SOBP: variants seen among roughly 807,000 people sequenced by gnomAD.
SOBP encodes the protein sine oculis-binding protein homolog.
In SOBP, 4 loss-of-function variants were observed where a neutral mutation model predicts 53.6. The observed-to-expected ratio is 0.07, with a 90% CI of 0.04 to 0.17. The LOEUF (loss-of-function observed/expected upper bound fraction) is 0.17, where lower values mean the gene tolerates loss of function less well. Among genes scored for constraint, SOBP ranks in the 10% least tolerant of loss-of-function variants. SOBP has a pLI of 1.00. For missense variants in SOBP, 1,088 were observed against 1,204.7 expected (o/e 0.90, Z 1.43); for synonymous variants, 584 against 522.6 (o/e 1.12, Z -1.60).
At chr6:107,593,483 G>C (rs1785833372) in intron 5 of SOBP, among the ~76,000 whole-genome samples, 1 of 152,184 alleles carries the variant, frequency 6.6e-6, no homozygotes, top group South Asian at 2.1e-4. Context: ...ATGGAAGACT[G>C]TGTGTTCTCC....
chr6:107,497,975 G>A (rs1490642386), intron 1 of SOBP, among the ~76,000 whole-genome samples: 1 of 152,082 alleles, frequency 6.6e-6, no homozygotes, highest in South Asian at 2.1e-4. Flanking sequence ...TAGCATGAGG[G>A]TGCTTACTAA....
At chr6:107,593,818 T>C (rs900607869) in intron 5 of SOBP, among the ~76,000 whole-genome samples, 3 of 152,216 alleles carry the variant, frequency 2.0e-5, no homozygotes, top group Non-Finnish European at 4.4e-5. Flanking sequence ...GTCTTTATTC[T>C]TCAACTTGAG....
chr6:107,501,733 G>A (rs568811906), intron 1 of SOBP, among the ~76,000 whole-genome samples: 79 of 152,200 alleles, frequency 5.2e-4, no homozygotes, highest in African/African-American at 1.7e-3. Context: ...TAGGTGTTGG[G>A]GAGACTGATG....
intron 3 of SOBP, among the ~76,000 whole-genome samples, chr6:107,516,280 G>A (rs897401700): frequency 4.6e-5 from 7 of 151,990 alleles, no homozygotes; most frequent in African/African-American, 1.7e-4. Flanking sequence ...CAGCCTTCAC[G>A]GCAAAACCTA....
At chr6:107,546,584 C>T (rs1463991865) in intron 4 of SOBP, among the ~76,000 whole-genome samples, 1 of 152,154 alleles carries the variant, frequency 6.6e-6, no homozygotes, top group Non-Finnish European at 1.5e-5. Context: ...CATGTGCACA[C>T]AGAAAGCCTC....
chr6:107,547,514 A>G (rs1464307482), intron 4 of SOBP, among the ~76,000 whole-genome samples: 2 of 152,238 alleles, frequency 1.3e-5, no homozygotes, highest in Non-Finnish European at 2.9e-5. Context: ...GTTGACACAG[A>G]GGATTAAATG....
chr6:107,496,347 T>C (rs1048358047), intron 1 of SOBP, among the ~76,000 whole-genome samples: 4 of 152,224 alleles, frequency 2.6e-5, no homozygotes, highest in Non-Finnish European at 5.9e-5. Flanking sequence ...TTTTAGGACA[T>C]TTGATGTCCT....
In SOBP at chr6:107,545,982, G is replaced by A. The variant is rs532166552; in HGVS notation, c.573+12372G>A. Reference sequence around the variant, plus strand: ...CTGAGCCAAAAACAAAAAGGAAAAAGGGGACAGTAAAGCTGGCGTGATTAA... The same window carrying A: ...CTGAGCCAAAAACAAAAAGGAAAAAAGGGACAGTAAAGCTGGCGTGATTAA... On this transcript the variant is annotated intron_variant, in intron 4 of 6. Transcript: ENST00000317357. Among the ~76,000 whole-genome samples the A allele has an allele frequency of 5.7e-4, 87 of 152,268 alleles. 1 individual carries two copies. Among genetic ancestry groups the A allele is most frequent in the Middle Eastern group, 3.4e-3 (1 of 294 alleles).
intron 4 of SOBP, among the ~76,000 whole-genome samples, chr6:107,575,462 T>C (rs1583228486): frequency 6.6e-6 from 1 of 152,194 alleles, no homozygotes; most frequent in African/African-American, 2.4e-5. Flanking sequence ...ATCTCTGAGA[T>C]GCCATCTAGA....
chr6:107,512,659 C>T (rs886582162), intron 3 of SOBP, among the ~76,000 whole-genome samples: 1 of 152,332 alleles, frequency 6.6e-6, no homozygotes, highest in Admixed American at 6.5e-5. Context: ...GACCCTGGCC[C>T]AGTTGAGACT....
intron 3 of SOBP, among the ~76,000 whole-genome samples, chr6:107,530,152 G>A (rs564134690): frequency 8.5e-5 from 13 of 152,102 alleles, no homozygotes; most frequent in Admixed American, 2.6e-4. Context: ...GGCACAGACC[G>A]TTAGCCAAAA....
intron 4 of SOBP, among the ~76,000 whole-genome samples, chr6:107,573,412 T>C (rs1473322830): frequency 6.6e-6 from 1 of 152,200 alleles, no homozygotes; most frequent in Admixed American, 6.5e-5. Flanking sequence ...AACTGTCATA[T>C]ATTGAGTACT....
At chr6:107,597,098 T>C (rs149741816) in intron 5 of SOBP, among the ~76,000 whole-genome samples, 1 of 152,306 alleles carries the variant, frequency 6.6e-6, no homozygotes, top group African/African-American at 2.4e-5. Context: ...TGTTTCTCTG[T>C]GTGAACAGGG....
rs1203773386 is a variant in SOBP at position 107,490,653 on chromosome 6, A to G, written c.37A>G (p.Asn13Asp). Residue 13 changes from asparagine (N) to aspartate (D), a missense_variant, in exon 1 of 7, where the codon AAT (asparagine) becomes GAT (aspartate). Asn to Asp is a conservative substitution (Grantham distance 23). Transcript: ENST00000317357. ...GGAGAAAGAAGGGAGACCTCCCGAA[A>G]ATAAACGGAGCAGGAAGCCGGCTCA... ...EMEKEGRPPE[N>D]KRSRKPAHPV... is the part of the protein sequence containing the mutation. The G allele has an allele frequency of 6.2e-7, 1 of 1,609,050 alleles. No individual in the cohort carries two copies. Among genetic ancestry groups the G allele is most frequent in the South Asian group, 1.1e-5 (1 of 90,228 alleles).
intron 3 of SOBP, among the ~76,000 whole-genome samples, chr6:107,525,477 G>T (rs1287170891): frequency 6.6e-6 from 1 of 152,132 alleles, no homozygotes; most frequent in Non-Finnish European, 1.5e-5. Flanking sequence ...AATGAGGAAG[G>T]GACATTGACT....
intron 6 of SOBP, among the ~76,000 whole-genome samples, chr6:107,640,755 A>G (rs2115162095): frequency 6.6e-6 from 1 of 152,300 alleles, no homozygotes. Context: ...GACATCTGTG[A>G]CTGGATATTT....
At chr6:107,610,912 T>C (rs1030921685) in intron 5 of SOBP, among the ~76,000 whole-genome samples, 2 of 152,330 alleles carry the variant, frequency 1.3e-5, no homozygotes, top group African/African-American at 4.8e-5. Context: ...TTTAAATAAA[T>C]GCATCACTAC....
chr6:107,635,513 C>T lies in SOBP; in HGVS notation c.*3+44C>T, dbSNP rs1007237974. 2 of 1,607,960 alleles carry T rather than the reference C, an allele frequency of 1.2e-6. No individual in the cohort carries two copies. Among genetic ancestry groups the T allele is most frequent in the African/African-American group, 1.3e-5 (1 of 75,030 alleles). ...CGCTCCTCCACACCAGCCAGTGCAC[C>T]TCTCCTTACTTCTGACAAGGCAGAG... On this transcript the variant is annotated intron_variant, in intron 6 of 6. Coordinates refer to ENST00000317357, the MANE Select transcript of SOBP (RefSeq NM_018013.4). The surrounding 1 kb of genome is among the most constrained non-coding windows in gnomAD (Gnocchi z 4.5).
chr6:107,529,225 A>G (rs1783751237), intron 3 of SOBP, among the ~76,000 whole-genome samples: 1 of 152,204 alleles, frequency 6.6e-6, no homozygotes, highest in Non-Finnish European at 1.5e-5. Context: ...TTTTTTGCAG[A>G]AGTTATAAAG....
Sources: gnomAD v4.1 joint callset for allele counts (sites outside exome capture counted in the v4.1 genomes callset) on GRCh38, gnomAD v4.1.1 for gene constraint, Gnocchi (gnomAD v3.1) non-coding constraint, MANE v1.5 for transcripts, NCBI Gene and HGNC (gene_info 2026-07-23, HGNC 2026-07-21) for gene names.